Variants in MGAT4C observed in about 807,000 individuals in gnomAD.
MGAT4C encodes the protein alpha-1,3-mannosyl-glycoprotein 4-beta-N-acetylglucosaminyltransferase C.
Under a neutral mutation model 40.1 loss-of-function variants are expected in MGAT4C, and 19 were observed. That is an observed-to-expected ratio of 0.47 (90% confidence interval 0.33 to 0.70). The LOEUF is 0.70. MGAT4C is among the 30% of genes least tolerant of loss of function. The pLI is 0.02. For missense variants in MGAT4C, 491 were observed against 563.2 expected (o/e 0.87, Z 1.30); for synonymous variants, 181 against 187.1 (o/e 0.97, Z 0.27).
chr12:86,781,770 C>T (rs555524228), intron 1 of MGAT4C, among the ~76,000 whole-genome samples: 1 of 152,186 alleles, frequency 6.6e-6, no homozygotes, highest in East Asian at 1.9e-4. Context: ...TAGAATTTGA[C>T]ACAAATTATT....
chr12:86,805,834 C>T (rs1330661583), intron 1 of MGAT4C, among the ~76,000 whole-genome samples: 6 of 152,006 alleles, frequency 3.9e-5, no homozygotes, highest in South Asian at 2.1e-4. Context: ...TTTACCTTCC[C>T]ACCAGCAGTG....
chr12:86,276,954 T>C (rs545914711), intron 4 of MGAT4C, among the ~76,000 whole-genome samples: 1 of 152,346 alleles, frequency 6.6e-6, no homozygotes, highest in Non-Finnish European at 1.5e-5. Context: ...TACCCAGCAG[T>C]AGCATTGCTG....
chr12:86,814,307 T>TATATACATATATATAC (rs1211055036), intron 1 of MGAT4C, among the ~76,000 whole-genome samples: 1 of 4,352 alleles, frequency 2.3e-4, no homozygotes, highest in Non-Finnish European at 3.1e-4. Context: ...TATACGTATA[T>TATATACATATATATAC]ATATACGTAT....
chr12:86,628,403 A>G (rs186483157), intron 2 of MGAT4C, among the ~76,000 whole-genome samples: 1 of 152,284 alleles, frequency 6.6e-6, no homozygotes, highest in East Asian at 1.9e-4. Context: ...GAACACCACA[A>G]AGATACTCCT....
chr12:86,161,454 A>G (rs2135800972), intron 1 of MGAT4C, among the ~76,000 whole-genome samples: 1 of 152,312 alleles, frequency 6.6e-6, no homozygotes, highest in South Asian at 2.1e-4. Flanking sequence ...GGCTAGCCAT[A>G]TGCAGAAGAT....
At chr12:86,260,905 CT>C (rs1195297551), upstream of MGAT4C, among the ~76,000 whole-genome samples, 2 of 151,820 alleles carry the variant, frequency 1.3e-5, no homozygotes, top group Non-Finnish European at 2.9e-5. Context: ...ATAAAAATAT[CT>C]TTGAAACAGA....
intron 1 of MGAT4C, among the ~76,000 whole-genome samples, chr12:86,099,595 T>C (rs1331176633): frequency 6.6e-6 from 1 of 151,428 alleles, no homozygotes; most frequent in Non-Finnish European, 1.5e-5. Flanking sequence ...AACAGACATA[T>C]GGTTATTAAT....
intron 2 of MGAT4C, among the ~76,000 whole-genome samples, chr12:86,499,157 C>T (rs150150564): frequency 6.6e-6 from 1 of 151,528 alleles, no homozygotes; most frequent in African/African-American, 2.4e-5. Flanking sequence ...TATTAATAAG[C>T]CTTCATTGAC....
chr12:86,164,062 A>C (rs1330583283), intron 1 of MGAT4C, among the ~76,000 whole-genome samples: 1 of 152,182 alleles, frequency 6.6e-6, no homozygotes, highest in East Asian at 1.9e-4. Context: ...AAGAGGGAAG[A>C]AGGGTTTTAT....
intron 1 of MGAT4C, among the ~76,000 whole-genome samples, chr12:86,063,287 G>A (rs528220943): frequency 6.6e-6 from 1 of 152,238 alleles, no homozygotes; most frequent in African/African-American, 2.4e-5. Flanking sequence ...TTTCATAAGT[G>A]GAGGAGAAAT....
intron 1 of MGAT4C, among the ~76,000 whole-genome samples, chr12:86,050,288 TG>T (rs1892773811): frequency 6.6e-6 from 1 of 152,026 alleles, no homozygotes; most frequent in Non-Finnish European, 1.5e-5. Context: ...TGCTATTGAA[TG>T]TCTGCCAGAC....
chr12:86,603,005 C>A (rs780499298), intron 2 of MGAT4C, among the ~76,000 whole-genome samples: 4 of 150,990 alleles, frequency 2.6e-5, no homozygotes, highest in Admixed American at 6.6e-5. Flanking sequence ...GTGAAAGAAG[C>A]CAGGCACGAA....
At chr12:86,608,793 G>A (rs1962140490) in intron 2 of MGAT4C, among the ~76,000 whole-genome samples, 1 of 152,028 alleles carries the variant, frequency 6.6e-6, no homozygotes, top group Admixed American at 6.6e-5. Context: ...TGCATAAGAT[G>A]TCTATGTATG....
At chr12:86,301,793 C>T (rs1483784112) in intron 4 of MGAT4C, among the ~76,000 whole-genome samples, 1 of 152,158 alleles carries the variant, frequency 6.6e-6, no homozygotes, top group Non-Finnish European at 1.5e-5. Context: ...TTTAATACTT[C>T]TCAAATCAAG....
intron 3 of MGAT4C, among the ~76,000 whole-genome samples, chr12:86,429,288 T>C (rs1956988349): frequency 1.3e-5 from 2 of 152,186 alleles, no homozygotes; most frequent in South Asian, 4.1e-4. Context: ...GCTACTGTTA[T>C]GAATTTTGTT....
At chr12:86,687,191 C>T (rs187250503) in intron 2 of MGAT4C, among the ~76,000 whole-genome samples, 4 of 152,178 alleles carry the variant, frequency 2.6e-5, no homozygotes, top group East Asian at 3.9e-4. Flanking sequence ...GTGTTGATAT[C>T]CCCTTTTTCA....
chr12:86,135,123 TG>T (rs752303676), intron 1 of MGAT4C, among the ~76,000 whole-genome samples: 132 of 152,196 alleles, frequency 8.7e-4, no homozygotes, highest in Admixed American at 3.4e-3. Flanking sequence ...GCTCAATTTG[TG>T]GGTAGTTAAA....
At position 86,450,796 on chromosome 12, in the gene MGAT4C, C is replaced by G. The variant is rs147012729; in HGVS notation, c.-228-15531G>C. ...GAATATATAAATATGTGACTATACA[C>G]GTAATACATATGCTTTCTTACATAC... On this transcript the variant is annotated intron_variant, in intron 2 of 7. Coordinates refer to the MGAT4C transcript ENST00000548651. 2.6e-4 allele frequency among the ~76,000 whole-genome samples: 39 copies of G among 151,886 alleles called. 2 individuals are homozygous for G. In the East Asian group the frequency reaches 7.6e-3, roughly 29 times the overall value.
intron 2 of MGAT4C, among the ~76,000 whole-genome samples, chr12:86,025,979 T>C (rs1181486361): frequency 6.6e-6 from 1 of 151,804 alleles, no homozygotes; most frequent in Non-Finnish European, 1.5e-5. Context: ...TATTAGTGAA[T>C]GTACAATGAT....
Sources: gnomAD v4.1 joint callset for allele counts (sites outside exome capture counted in the v4.1 genomes callset) on GRCh38, gnomAD v4.1.1 for gene constraint, MANE v1.5 for transcripts, NCBI Gene and HGNC (gene_info 2026-07-23, HGNC 2026-07-21) for gene names.